The following OPN3 variants were observed in gnomAD, a reference collection of about 807,000 sequenced individuals.
OPN3 encodes the protein opsin-3.
Under a neutral mutation model 33.8 loss-of-function variants are expected in OPN3, and 29 were observed. The observed-to-expected ratio is 0.86, with a 90% CI of 0.64 to 1.17. The LOEUF (loss-of-function observed/expected upper bound fraction) is 1.17, where lower values mean the gene tolerates loss of function less well. Ranked by LOEUF, OPN3 falls within the 50% of genes most tolerant of loss-of-function variation. The probability of loss-of-function intolerance (pLI) is 0.00; values close to 1 mark genes in which losing one functional copy is unlikely to be tolerated. For missense variants in OPN3, 437 were observed against 514.1 expected, an observed-to-expected ratio of 0.85 and a Z score of 1.45; for synonymous variants, 216 against 216.1, an observed-to-expected ratio of 1.00 and a Z score of 0.00.
Position 241,609,793 on chromosome 1 carries a change from T to G in OPN3, c.374-5214A>C, listed in dbSNP as rs532265316. Among the ~76,000 whole-genome samples the G allele has an allele frequency of 7.2e-5, 11 of 152,248 alleles. No homozygotes were observed. In the East Asian group the frequency reaches 2.1e-3, roughly 29 times the overall value. ...TGGGCATTTCTAGCTGAAGCCTCCT[T>G]GAATTATTGCAAGAGTGCCTTGGAC... On this transcript the variant is annotated intron_variant, in intron 1 of 3. Coordinates refer to ENST00000366554, the MANE Select transcript of OPN3 (RefSeq NM_014322.3).
At chr1:241,634,401 T>C in intron 1 of OPN3, 2 of 1,613,896 alleles carry the variant, frequency 1.2e-6, no homozygotes, top group Non-Finnish European at 1.7e-6. Flanking sequence ...AGTACTGCCC[T>C]AGAGATCTGC....
intron 1 of OPN3, chr1:241,635,378 G>A: frequency 6.2e-7 from 1 of 1,614,012 alleles, no homozygotes; most frequent in Non-Finnish European, 8.5e-7. Flanking sequence ...TTCAGTGAAG[G>A]TATTAGACAC....
intron 1 of OPN3, among the ~76,000 whole-genome samples, chr1:241,624,717 G>A (rs552367425): frequency 2.7e-4 from 41 of 152,310 alleles, no homozygotes; most frequent in African/African-American, 9.4e-4. Context: ...AATCAGAACA[G>A]TTCATGGCAC....
chr1:241,619,849 G>T (rs1664229836), intron 1 of OPN3, among the ~76,000 whole-genome samples: 2 of 152,210 alleles, frequency 1.3e-5, no homozygotes, highest in South Asian at 4.1e-4. Flanking sequence ...ACAGTCACCA[G>T]GCCGGTGTGT....
intron 1 of OPN3, chr1:241,635,048 G>C: frequency 3.7e-6 from 6 of 1,613,174 alleles, no homozygotes; most frequent in Non-Finnish European, 5.1e-6. Context: ...CAATCCTTGA[G>C]AATACAGCAG....
At chr1:241,598,232 C>CT (rs1010797711) in intron 2 of OPN3, among the ~76,000 whole-genome samples, 14 of 152,088 alleles carry the variant, frequency 9.2e-5, no homozygotes, top group African/African-American at 3.1e-4. Flanking sequence ...ACAGAGCCTC[C>CT]TACATCCTTC....
intron 2 of OPN3, among the ~76,000 whole-genome samples, chr1:241,603,387 T>A (rs1156936875): frequency 6.6e-6 from 1 of 152,012 alleles, no homozygotes; most frequent in Non-Finnish European, 1.5e-5. Context: ...AGTCACAGTG[T>A]GGAGACAGTA....
At chr1:241,630,071 T>C (rs1382447106) in intron 1 of OPN3, 1 of 152,128 alleles carries the variant, frequency 6.6e-6, no homozygotes, top group Non-Finnish European at 1.5e-5. Context: ...TTTCTTTGGA[T>C]GTAGCTTTAT....
At chr1:241,639,766 C>G in intron 1 of OPN3, 116 bp downstream of exon 1, 1 of 965,152 alleles carries the variant, frequency 1.0e-6, no homozygotes, top group Non-Finnish European at 1.3e-6. Context: ...GCGGGGGGCG[C>G]GGGGCCGAGC....
chr1:241,639,005 T>C (rs968558917), intron 1 of OPN3, among the ~76,000 whole-genome samples: 3 of 152,232 alleles, frequency 2.0e-5, no homozygotes, highest in African/African-American at 7.2e-5. Flanking sequence ...AAAAAAATAA[T>C]TTCCTTTCTA....
At chr1:241,628,877 CTT>C (rs1558445298) in intron 1 of OPN3, 4 of 152,516 alleles carry the variant, frequency 2.6e-5, no homozygotes, top group African/African-American at 9.7e-5. Flanking sequence ...ACCAATTAAT[CTT>C]TTATTTTTTA....
chr1:241,616,126 T>C (rs1333850612), intron 1 of OPN3, among the ~76,000 whole-genome samples: 1 of 152,166 alleles, frequency 6.6e-6, no homozygotes, highest in Non-Finnish European at 1.5e-5. Context: ...GCCAACTCGG[T>C]GGTGCATCCT....
At chr1:241,635,288 T>C (rs1012464106) in intron 1 of OPN3, 2 of 1,613,896 alleles carry the variant, frequency 1.2e-6, no homozygotes, top group Non-Finnish European at 1.7e-6. Flanking sequence ...TGTATCACTT[T>C]TCTGAGTGTG....
intron 1 of OPN3, chr1:241,631,391 T>C (rs1664627319): frequency 6.6e-6 from 1 of 152,132 alleles, no homozygotes; most frequent in African/African-American, 2.4e-5. Context: ...ACCTTCATTT[T>C]ATTTATCATC....
intron 1 of OPN3, among the ~76,000 whole-genome samples, chr1:241,625,240 T>A (rs1664383783): frequency 6.6e-6 from 1 of 152,244 alleles, no homozygotes; most frequent in Admixed American, 6.5e-5. Flanking sequence ...TCTCATTGCT[T>A]GGTGAACCAC....
chr1:241,637,863 C>G (rs12028394), intron 1 of OPN3, among the ~76,000 whole-genome samples: 34,696 of 152,100 alleles, frequency 0.23, 4,461 homozygotes, highest in Non-Finnish European at 0.28. Context: ...GGGCAAGCCT[C>G]TCCAAAAGCC....
intron 1 of OPN3, among the ~76,000 whole-genome samples, chr1:241,607,460 G>A (rs1289393395): frequency 6.6e-6 from 1 of 152,034 alleles, no homozygotes; most frequent in Non-Finnish European, 1.5e-5. Context: ...GTTGCAGTGA[G>A]CTGAGATTGT....
chr1:241,616,620 T>C (rs1480781215), intron 1 of OPN3, among the ~76,000 whole-genome samples: 1 of 152,130 alleles, frequency 6.6e-6, no homozygotes, highest in Non-Finnish European at 1.5e-5. Flanking sequence ...CAAGGGATTA[T>C]TATGTATTTG....
At chr1:241,634,743 A>G (rs1171692537) in intron 1 of OPN3, 4 of 1,614,000 alleles carry the variant, frequency 2.5e-6, no homozygotes. Context: ...ATTGCAATTG[A>G]GTGCAGTACA....
Sources: allele counts gnomAD v4.1 joint callset (sites outside exome capture counted in the v4.1 genomes callset), GRCh38; gene constraint gnomAD v4.1.1; transcripts MANE v1.5; gene names NCBI Gene and HGNC (gene_info 2026-07-23, HGNC 2026-07-21).